Variants in PTTG1IP observed in about 807,000 individuals in gnomAD.
The protein encoded by PTTG1IP is pituitary tumor-transforming gene 1 protein-interacting protein.
PTTG1IP carries 16 observed loss-of-function variants against 24.4 expected under a neutral mutation model. The observed-to-expected ratio is 0.66, with a 90% CI of 0.44 to 1.00. The LOEUF (loss-of-function observed/expected upper bound fraction) is 1.00, where lower values mean the gene tolerates loss of function less well. Ranked by LOEUF, PTTG1IP falls within the 50% of genes least tolerant of loss-of-function variation. PTTG1IP has a pLI of 0.00. For synonymous variants in PTTG1IP, 89 were observed against 96.8 expected, an observed-to-expected ratio of 0.92 and a Z score of 0.47; for missense variants, 241 against 245.8, an observed-to-expected ratio of 0.98 and a Z score of 0.13.
intron 5 of PTTG1IP, 28 bp from the exon 6 acceptor site, chr21:44,851,655 C>T (rs1555970192): frequency 1.3e-6 from 2 of 1,549,094 alleles, no homozygotes; most frequent in Admixed American, 2.0e-5. Flanking sequence ...TGAATCATAA[C>T]TTCATTCATT....
At position 44,861,066 on chromosome 21, in the gene PTTG1IP, T is replaced by C. The variant is rs1017806109; in HGVS notation, c.277+97A>G. The C allele has an allele frequency of 4.0e-6, 4 of 993,378 alleles. No individual in the cohort carries two copies. The African/African-American group carries it at 6.5e-5, about 16-fold the overall frequency. 61.5% of individuals were successfully genotyped at this position (993,378 alleles called of 1,614,324 possible). A position where few individuals can be genotyped will look rare whatever the true frequency, so the allele number is the denominator to read the frequency against. ...ATCCACCCGCCTCCGCCTCCCAAAGTGCTGGGATTACAGACGTGAGCCACC... is the reference window on the plus strand; with the variant it reads ...ATCCACCCGCCTCCGCCTCCCAAAGCGCTGGGATTACAGACGTGAGCCACC... On this transcript the variant is annotated intron_variant, in intron 3 of 5. Coordinates refer to ENST00000330938, the MANE Select transcript of PTTG1IP (RefSeq NM_004339.4).
At chr21:44,861,827 G>A (rs1468480793) in intron 2 of PTTG1IP, 1 of 717,466 alleles carries the variant, frequency 1.4e-6, no homozygotes, top group Admixed American at 2.0e-5. Context: ...ACACAGCCTG[G>A]CCCATCACAG....
intron 1 of PTTG1IP, among the ~76,000 whole-genome samples, chr21:44,866,610 AGACT>A (rs1312399105): frequency 4.8e-5 from 6 of 125,438 alleles, no homozygotes; most frequent in Non-Finnish European, 1.7e-5. Context: ...ACACACACAC[AGACT>A]GCGTACTCCC....
intron 5 of PTTG1IP, 116 bp from the exon 6 acceptor site, chr21:44,851,743 G>T (rs2083412961): frequency 1.5e-6 from 2 of 1,296,646 alleles, no homozygotes; most frequent in Non-Finnish European, 2.1e-6. Flanking sequence ...GCAACAACGG[G>T]CATTGTAAGC....
intron 2 of PTTG1IP, chr21:44,861,677 C>T (rs918430955): frequency 7.0e-6 from 5 of 714,436 alleles, no homozygotes; most frequent in Admixed American, 2.0e-5. Flanking sequence ...TGGGCCCTGC[C>T]TCGATCAACA....
intron 3 of PTTG1IP, among the ~76,000 whole-genome samples, chr21:44,857,343 C>T (rs1784773239): frequency 6.6e-6 from 1 of 152,166 alleles, no homozygotes; most frequent in African/African-American, 2.4e-5. Context: ...AACAAATTAA[C>T]TGGGTGTGGT....
chr21:44,861,358 G>T, intron 2 of PTTG1IP, 87 bp from the exon 3 acceptor site: 2 of 1,131,668 alleles, frequency 1.8e-6, no homozygotes, highest in Non-Finnish European at 2.6e-6. Flanking sequence ...CGCCAGTGCT[G>T]CCATCGCTCT....
At position 44,856,230 on chromosome 21, in the gene PTTG1IP, G is replaced by A. The variant is rs558171606; in HGVS notation, c.412C>T (p.Arg138Cys). The change falls in exon 4 of 6, where the codon CGT becomes TGT. Residue 138 changes from arginine (R) to cysteine (C), a missense_variant. Physicochemically the swap from Arg to Cys is radical, Grantham distance 180. Coordinates refer to ENST00000330938, the MANE Select transcript of PTTG1IP (RefSeq NM_004339.4). The part of the protein sequence containing the change: ...KPDRSEEKAM[R>C]EREERRIRQE... Reference sequence around the variant, plus strand: ...CGTATCCGCCTCTCCTCCCGCTCACGCATGGCCTTCTCCTCACTCCTGTCC... The same window carrying A: ...CGTATCCGCCTCTCCTCCCGCTCACACATGGCCTTCTCCTCACTCCTGTCC... The A allele has an allele frequency of 1.1e-5, 18 of 1,613,978 alleles. No homozygotes were observed. The highest frequency in any genetic ancestry group is 3.3e-4 in the Middle Eastern group (2 of 6,062).
At chr21:44,852,700 T>A (rs1040072670) in intron 5 of PTTG1IP, among the ~76,000 whole-genome samples, 2 of 151,944 alleles carry the variant, frequency 1.3e-5, no homozygotes, top group Admixed American at 1.3e-4. Context: ...TGGGAAAGAG[T>A]CATCAGATAC....
At chr21:44,866,680 A>AACACACACAC (rs34646417) in intron 1 of PTTG1IP, among the ~76,000 whole-genome samples, 6 of 145,188 alleles carry the variant, frequency 4.1e-5, no homozygotes, top group South Asian at 2.2e-4. Flanking sequence ...CCAATCCCAT[A>AACACACACAC]ACACACACAC....
chr21:44,854,780 T>C (rs1308913591), intron 5 of PTTG1IP, among the ~76,000 whole-genome samples: 1 of 152,086 alleles, frequency 6.6e-6, no homozygotes, highest in African/African-American at 2.4e-5. Context: ...GCAGGGCCGG[T>C]GCTGGGGAGT....
At chr21:44,871,583 A>G (rs1018027407) in intron 1 of PTTG1IP, among the ~76,000 whole-genome samples, 1 of 152,238 alleles carries the variant, frequency 6.6e-6, no homozygotes, top group East Asian at 1.9e-4. Flanking sequence ...TGTATTCTCT[A>G]AATTCACACA....
chr21:44,868,800 G>A (rs548081411), intron 1 of PTTG1IP, among the ~76,000 whole-genome samples: 15 of 151,948 alleles, frequency 9.9e-5, no homozygotes, highest in Non-Finnish European at 2.1e-4. Flanking sequence ...CACTGGGTCT[G>A]CCCCCGAAGA....
chr21:44,852,226 A>G (rs1161847528), intron 5 of PTTG1IP, among the ~76,000 whole-genome samples: 1 of 150,776 alleles, frequency 6.6e-6, no homozygotes, highest in African/African-American at 2.5e-5. Context: ...CTTGTTGCCC[A>G]GGATAGAGTG....
At chr21:44,861,624 T>C (rs2083492629) in intron 2 of PTTG1IP, 8 of 682,506 alleles carry the variant, frequency 1.2e-5, no homozygotes, top group South Asian at 1.1e-4. Context: ...CGGTTCTGCC[T>C]GGAGCACTCT....
chr21:44,868,914 T>C (rs188864639), intron 1 of PTTG1IP, among the ~76,000 whole-genome samples: 1 of 152,326 alleles, frequency 6.6e-6, no homozygotes, highest in Non-Finnish European at 1.5e-5. Context: ...GAGTCATTAC[T>C]CATGGAGAGG....
chr21:44,865,633 G>C (rs940046741), intron 1 of PTTG1IP, 186 bp from the exon 2 acceptor site: 30 of 647,818 alleles, frequency 4.6e-5, no homozygotes, highest in Admixed American at 1.6e-4. Flanking sequence ...CATGTGGAAC[G>C]AGTGTTCAGG....
rs1365542245 is a variant in PTTG1IP, at chr21:44,851,217, CAG to C, written c.*362_*363del. 9.9e-7 allele frequency: 1 copy of C among 1,008,268 alleles called. No homozygotes were observed. The highest frequency in any genetic ancestry group is 1.6e-5 in the African/African-American group (1 of 61,190). The allele number at this position is 1,008,268 out of a possible 1,614,324, so 62.5% of individuals were successfully genotyped here. On this transcript the variant is annotated 3_prime_UTR_variant, in exon 6 of 6. Transcript: ENST00000330938. ...GTTGCGTGTGAAGCTTGTTAGTGGACAGAGAGAAACGCAGGGTTCTGCCCTGG... is the reference window on the plus strand; with the variant it reads ...GTTGCGTGTGAAGCTTGTTAGTGGACAGAGAAACGCAGGGTTCTGCCCTGG...
At chr21:44,853,303 T>C (rs1040776937) in intron 5 of PTTG1IP, among the ~76,000 whole-genome samples, 4 of 152,062 alleles carry the variant, frequency 2.6e-5, no homozygotes, top group Non-Finnish European at 4.4e-5. Context: ...GTCAGGAGAT[T>C]GAGACCATCC....
Sources: gnomAD v4.1 joint callset for allele counts (sites outside exome capture counted in the v4.1 genomes callset) on GRCh38, gnomAD v4.1.1 for gene constraint, MANE v1.5 for transcripts, NCBI Gene and HGNC (gene_info 2026-07-23, HGNC 2026-07-21) for gene names.